The following TRAPPC8 variants were observed in gnomAD, a reference collection of about 807,000 sequenced individuals.
The protein encoded by TRAPPC8 is general sporulation gene 1 homolog.
TRAPPC8 carries 54 observed loss-of-function variants against 174.3 expected under a neutral mutation model. The observed-to-expected ratio is 0.31, with a 90% CI of 0.25 to 0.39. The LOEUF (loss-of-function observed/expected upper bound fraction) is 0.39. Ranked by LOEUF, TRAPPC8 falls within the 10% of genes least tolerant of loss-of-function variation. The pLI is 1.00. For missense variants in TRAPPC8, 1,531 were observed against 1,699.1 expected (o/e 0.90, Z 1.74); for synonymous variants, 630 against 579.9 (o/e 1.09, Z -1.24).
chr18:31,901,153 A>T (rs767855322), intron 9 of TRAPPC8, 128 bp from the exon 10 acceptor site: 19 of 680,248 alleles, frequency 2.8e-5, no homozygotes, highest in Non-Finnish European at 4.2e-5. Context: ...TAAACTTCAT[A>T]GCCTAATGCA....
chr18:31,887,321 T>G (rs948747302), intron 12 of TRAPPC8, among the ~76,000 whole-genome samples: 2 of 152,092 alleles, frequency 1.3e-5, no homozygotes, highest in Admixed American at 6.5e-5. Flanking sequence ...AAACTCTCAA[T>G]AAACTGGGTA....
At chr18:31,866,186 T>G (rs1008026794) in intron 18 of TRAPPC8, among the ~76,000 whole-genome samples, 1 of 152,102 alleles carries the variant, frequency 6.6e-6, no homozygotes, top group Non-Finnish European at 1.5e-5. Context: ...AGTAGGAAGT[T>G]TCATGGTAAA....
intron 21 of TRAPPC8, among the ~76,000 whole-genome samples, chr18:31,855,325 T>C (rs2033944316): frequency 6.6e-6 from 1 of 152,256 alleles, no homozygotes; most frequent in African/African-American, 2.4e-5. Flanking sequence ...GAATGTGATA[T>C]ATTAACAGAA....
intron 19 of TRAPPC8, among the ~76,000 whole-genome samples, chr18:31,861,208 TTTTG>T (rs1230277785): frequency 6.6e-6 from 1 of 152,184 alleles, no homozygotes; most frequent in Admixed American, 6.5e-5. Flanking sequence ...CTACTGATTT[TTTTG>T]TTTTTCACTT....
At chr18:31,930,977 A>G (rs1449079620) in intron 2 of TRAPPC8, among the ~76,000 whole-genome samples, 1 of 149,796 alleles carries the variant, frequency 6.7e-6, no homozygotes, top group Admixed American at 6.6e-5. Flanking sequence ...AACAGATTAC[A>G]TATTTACGCA....
At chr18:31,867,045 T>C (rs1334927928) in intron 17 of TRAPPC8, 70 bp from the exon 18 acceptor site, 1 of 1,509,618 alleles carries the variant, frequency 6.6e-7, no homozygotes, top group African/African-American at 1.4e-5. Flanking sequence ...CCTAATTCTA[T>C]AATGTTGCAA....
chr18:31,880,572 C>T (rs2035399355), intron 12 of TRAPPC8, among the ~76,000 whole-genome samples: 1 of 152,016 alleles, frequency 6.6e-6, no homozygotes, highest in African/African-American at 2.4e-5. Context: ...AAAGCATTCC[C>T]CCTAAGAAGG....
intron 28 of TRAPPC8, 53 bp from the exon 29 acceptor site, chr18:31,831,042 T>C (rs2032335355): frequency 1.3e-6 from 2 of 1,510,958 alleles, no homozygotes; most frequent in Non-Finnish European, 1.8e-6. Context: ...TTAATTTTTT[T>C]CCCAAAGTCA....
At chr18:31,839,560 A>C in intron 26 of TRAPPC8, 103 bp from the exon 27 acceptor site, 1 of 1,041,526 alleles carries the variant, frequency 9.6e-7, no homozygotes, top group Non-Finnish European at 1.3e-6. Flanking sequence ...AGCAGAGATA[A>C]TGTAATGCAT....
intron 9 of TRAPPC8, among the ~76,000 whole-genome samples, chr18:31,903,042 A>G (rs1395296779): frequency 1.5e-5 from 2 of 136,840 alleles, no homozygotes; most frequent in East Asian, 5.2e-4. Flanking sequence ...AGCGAGACTC[A>G]TCTCAAAAAA....
chr18:31,831,001 G>A lies in TRAPPC8; in HGVS notation c.4074-12C>T. The A allele has an allele frequency of 1.3e-6, 2 of 1,584,286 alleles. No homozygotes were observed. The highest frequency in any genetic ancestry group is 1.7e-6 in the Non-Finnish European group (2 of 1,163,314). On this transcript the variant is annotated splice_polypyrimidine_tract_variant and intron_variant, in intron 28 of 28. Transcript: ENST00000283351. ...CCAGTGCTTCTGGACTAAGGGAGGA[G>A]GAAAATGTAAGTTGCAGGATTTTTT...
chr18:31,859,832 A>T (rs1213686772), intron 19 of TRAPPC8, among the ~76,000 whole-genome samples: 1 of 152,164 alleles, frequency 6.6e-6, no homozygotes, highest in Non-Finnish European at 1.5e-5. Context: ...CCTGACCAAC[A>T]TGGTGAAGCC....
intron 9 of TRAPPC8, among the ~76,000 whole-genome samples, chr18:31,905,598 T>C (rs906011972): frequency 1.3e-5 from 2 of 152,208 alleles, no homozygotes; most frequent in African/African-American, 4.8e-5. Context: ...CTAGATTATT[T>C]AGGTAATCTT....
intron 10 of TRAPPC8, 103 bp from the exon 11 acceptor site, chr18:31,897,994 T>TTGCA: frequency 2.9e-6 from 3 of 1,025,510 alleles, no homozygotes; most frequent in Non-Finnish European, 2.8e-6. Context: ...TAGAGGATAG[T>TTGCA]TGCAGGGAGA....
At chr18:31,853,359 C>T (rs2033814585) in intron 22 of TRAPPC8, among the ~76,000 whole-genome samples, 1 of 152,178 alleles carries the variant, frequency 6.6e-6, no homozygotes, top group Non-Finnish European at 1.5e-5. Flanking sequence ...CCTCTGCCTC[C>T]CGGGTTCAGG....
intron 2 of TRAPPC8, among the ~76,000 whole-genome samples, chr18:31,918,121 G>A (rs142037156): frequency 0.02 from 2,978 of 151,978 alleles, 46 homozygotes; most frequent in Non-Finnish European, 0.029. Context: ...ATGAGACTCC[G>A]TCTCAAAATA....
At chr18:31,884,591 T>C (rs2035612744) in intron 12 of TRAPPC8, among the ~76,000 whole-genome samples, 1 of 152,224 alleles carries the variant, frequency 6.6e-6, no homozygotes, top group African/African-American at 2.4e-5. Flanking sequence ...AAAAATGGGA[T>C]TTGGTACCAA....
At chr18:31,928,140 A>T (rs572728481) in intron 2 of TRAPPC8, among the ~76,000 whole-genome samples, 1 of 152,002 alleles carries the variant, frequency 6.6e-6, no homozygotes, top group East Asian at 1.9e-4. Context: ...TGGGCAAAAG[A>T]GTGAGACTCC....
At chr18:31,897,238 T>C (rs2036220561) in intron 11 of TRAPPC8, among the ~76,000 whole-genome samples, 1 of 152,222 alleles carries the variant, frequency 6.6e-6, no homozygotes, top group South Asian at 2.1e-4. Context: ...CTCAATAATA[T>C]TTGTTGTAAA....
Sources: allele counts gnomAD v4.1 joint callset (sites outside exome capture counted in the v4.1 genomes callset), GRCh38; gene constraint gnomAD v4.1.1; transcripts MANE v1.5; gene names NCBI Gene and HGNC (gene_info 2026-07-23, HGNC 2026-07-21).